The following RIT2 variants were observed in gnomAD, a reference collection of about 807,000 sequenced individuals.
The protein encoded by RIT2 is Ras like without CAAX 2.
In RIT2, 24 loss-of-function variants were observed where a neutral mutation model predicts 23.7. The observed-to-expected ratio is 1.01, with a 90% CI of 0.73 to 1.43. The LOEUF is 1.43. Among genes scored for constraint, RIT2 ranks in the 40% most tolerant of loss-of-function variants. The pLI, the probability that RIT2 is intolerant of heterozygous loss-of-function variation, is 0.00. For synonymous variants in RIT2, 107 were observed against 91.1 expected, an observed-to-expected ratio of 1.17 and a Z score of -0.99; for missense variants, 236 against 266.9, an observed-to-expected ratio of 0.88 and a Z score of 0.81.
intron 4 of RIT2, among the ~76,000 whole-genome samples, chr18:42,832,543 A>G (rs1307561824): frequency 1.3e-5 from 2 of 152,288 alleles, no homozygotes; most frequent in Non-Finnish European, 2.9e-5. Flanking sequence ...ATTTATTTCT[A>G]TTGATGTACA....
chr18:43,007,984 T>A (rs1314461554), intron 2 of RIT2, among the ~76,000 whole-genome samples: 1 of 151,662 alleles, frequency 6.6e-6, no homozygotes, highest in Non-Finnish European at 1.5e-5. Context: ...TGATTATCAA[T>A]GGCTGTTAAC....
chr18:43,071,104 TA>T (rs1912886780), intron 1 of RIT2, among the ~76,000 whole-genome samples: 1 of 152,226 alleles, frequency 6.6e-6, no homozygotes, highest in Non-Finnish European at 1.5e-5. Context: ...CTCAGTGATA[TA>T]AATCTTGCAG....
chr18:42,908,382 A>G (rs558178977), intron 4 of RIT2, among the ~76,000 whole-genome samples: 12 of 152,294 alleles, frequency 7.9e-5, no homozygotes, highest in African/African-American at 2.6e-4. Flanking sequence ...AAAGTATTCA[A>G]ATAAATACTG....
At chr18:42,834,480 C>T (rs1455936471) in intron 4 of RIT2, among the ~76,000 whole-genome samples, 1 of 151,996 alleles carries the variant, frequency 6.6e-6, no homozygotes. Flanking sequence ...TTTGAAACTC[C>T]ATTATTTATA....
intron 2 of RIT2, among the ~76,000 whole-genome samples, chr18:43,000,587 T>A (rs913484189): frequency 7.2e-5 from 11 of 152,020 alleles, no homozygotes; most frequent in African/African-American, 2.2e-4. Flanking sequence ...TCTCAAATTA[T>A]AATCCCCACG....
chr18:43,075,744 G>T (rs930969614), intron 1 of RIT2, among the ~76,000 whole-genome samples: 2 of 152,070 alleles, frequency 1.3e-5, no homozygotes, highest in African/African-American at 4.8e-5. Flanking sequence ...CTCTTGCCAC[G>T]AAGTTTCATT....
At chr18:43,090,807 G>T (rs1913405753) in intron 1 of RIT2, among the ~76,000 whole-genome samples, 1 of 152,034 alleles carries the variant, frequency 6.6e-6, no homozygotes, top group African/African-American at 2.4e-5. Context: ...TCGCTTATAA[G>T]TTGGAGCTAA....
At chr18:42,974,249 A>G (rs1400015385) in intron 2 of RIT2, 102 bp from the exon 3 acceptor site, 4 of 715,270 alleles carry the variant, frequency 5.6e-6, no homozygotes, top group Middle Eastern at 2.8e-4. Context: ...TACTAAGATA[A>G]TTAGAAATAT....
Position 42,908,654 on chromosome 18 carries a change from C to T in RIT2, c.426+14918G>A, listed in dbSNP as rs148573565. ...TCAGTTTTATCAAGTGCTGAAAGAG[C>T]GGTCAATCCCAAATTGTGTATCTGG... On this transcript the variant is annotated intron_variant, in intron 4 of 4. Transcript: ENST00000326695. 1.2e-3 allele frequency among the ~76,000 whole-genome samples: 188 copies of T among 152,162 alleles called. 1 individual carries two copies. The highest frequency in any genetic ancestry group is 0.01 in the Middle Eastern group (3 of 294).
At chr18:42,778,483 G>A in intron 4 of RIT2, among the ~76,000 whole-genome samples, 1 of 151,880 alleles carries the variant, frequency 6.6e-6, no homozygotes, top group East Asian at 1.9e-4. Context: ...ATATAAAATT[G>A]AAAATTAAGA....
intron 1 of RIT2, among the ~76,000 whole-genome samples, chr18:43,045,421 T>C (rs1020930859): frequency 3.3e-5 from 5 of 152,198 alleles, no homozygotes; most frequent in Non-Finnish European, 5.9e-5. Flanking sequence ...GATCCTGCAA[T>C]GAAAACATTT....
intron 4 of RIT2, among the ~76,000 whole-genome samples, chr18:42,836,926 C>T (rs562436592): frequency 1.6e-4 from 25 of 152,056 alleles, no homozygotes; most frequent in Middle Eastern, 3.4e-3. Context: ...CTCTAGTTGT[C>T]GTTACCAACA....
intron 4 of RIT2, among the ~76,000 whole-genome samples, chr18:42,903,444 G>A (rs1908529741): frequency 6.6e-6 from 1 of 151,848 alleles, no homozygotes; most frequent in Non-Finnish European, 1.5e-5. Flanking sequence ...CCACAATACG[G>A]CTTAATCAGA....
At chr18:43,102,312 T>C (rs935823773) in intron 1 of RIT2, among the ~76,000 whole-genome samples, 1 of 152,202 alleles carries the variant, frequency 6.6e-6, no homozygotes, top group Middle Eastern at 3.2e-3. Flanking sequence ...TTGTTCTTTG[T>C]TATGTTAGTA....
rs184863270 is a variant in RIT2 at position 43,074,263 on chromosome 18, C to G, written c.104-40396G>C. On this transcript the variant is annotated intron_variant, in intron 1 of 4. Transcript: ENST00000326695. ...CCCAGCAATGAACACACTTGAATCTCTTAACATCTTTGTCTGCATATCTTC... is the reference window on the plus strand; with the variant it reads ...CCCAGCAATGAACACACTTGAATCTGTTAACATCTTTGTCTGCATATCTTC... Among the ~76,000 whole-genome samples, 4 of 152,276 alleles carry G rather than the reference C, an allele frequency of 2.6e-5. No individual in the cohort carries two copies. The East Asian group carries it at 7.7e-4, about 29-fold the overall frequency.
At chr18:43,016,147 T>G (rs540426048) in intron 2 of RIT2, among the ~76,000 whole-genome samples, 1 of 152,060 alleles carries the variant, frequency 6.6e-6, no homozygotes, top group Non-Finnish European at 1.5e-5. Context: ...AATAGTCAAG[T>G]AAGCATGAAG....
intron 3 of RIT2, among the ~76,000 whole-genome samples, chr18:42,965,770 A>AT (rs1441851385): frequency 1.0e-4 from 11 of 105,014 alleles, no homozygotes; most frequent in African/African-American, 4.5e-4. Context: ...GATTTTACCA[A>AT]CCTGAGTATT....
chr18:42,846,118 A>C (rs559253526), intron 4 of RIT2, among the ~76,000 whole-genome samples: 1 of 152,142 alleles, frequency 6.6e-6, no homozygotes, highest in African/African-American at 2.4e-5. Context: ...ATTTAGTTGT[A>C]TTAATTCCTG....
intron 1 of RIT2, among the ~76,000 whole-genome samples, chr18:43,105,516 G>GGAAGGGA (rs1568083865): frequency 5.3e-5 from 8 of 151,190 alleles, no homozygotes; most frequent in African/African-American, 1.7e-4. Flanking sequence ...GAGGGAGGGA[G>GGAAGGGA]GGAATGAGCA....
Sources: gnomAD v4.1 joint callset for allele counts (sites outside exome capture counted in the v4.1 genomes callset) on GRCh38, gnomAD v4.1.1 for gene constraint, MANE v1.5 for transcripts, NCBI Gene and HGNC (gene_info 2026-07-23, HGNC 2026-07-21) for gene names.